The following SNAPC3 variants were observed in gnomAD, a reference collection of about 807,000 sequenced individuals.
SNAPC3 encodes the protein small nuclear RNA activating complex polypeptide 3.
In SNAPC3, 56 loss-of-function variants were observed where a neutral mutation model predicts 47.7. The observed-to-expected ratio is 1.18, with a 90% CI of 0.95 to 1.47. SNAPC3 has a LOEUF of 1.47. Among genes scored for constraint, SNAPC3 ranks in the 40% most tolerant of loss-of-function variants. SNAPC3 has a pLI of 0.00. For synonymous variants in SNAPC3, 235 were observed against 189.9 expected (o/e 1.24, Z -1.95); for missense variants, 665 against 511.3 (o/e 1.30, Z -2.90).
chr9:15,463,045 T>C (rs2035336098), downstream of SNAPC3: 1 of 152,140 alleles, frequency 6.6e-6, no homozygotes, highest in African/African-American at 2.4e-5. Context: ...AAATCTATCA[T>C]ATTATTTGAA....
At chr9:15,426,225 C>T (rs551670779) in intron 2 of SNAPC3, among the ~76,000 whole-genome samples, 1 of 152,232 alleles carries the variant, frequency 6.6e-6, no homozygotes, top group East Asian at 1.9e-4. Context: ...TTCAGTTCCT[C>T]GAATATGCTC....
At chr9:15,432,015 A>G (rs1222681011) in intron 2 of SNAPC3, 1 of 150,722 alleles carries the variant, frequency 6.6e-6, no homozygotes, top group Non-Finnish European at 1.5e-5. Context: ...GTATCTTGAT[A>G]TAATGTAAAG....
chr9:15,426,253 G>A (rs1270612560), intron 2 of SNAPC3, among the ~76,000 whole-genome samples: 2 of 152,100 alleles, frequency 1.3e-5, no homozygotes, highest in African/African-American at 4.8e-5. Flanking sequence ...CCAGGCCTTT[G>A]CCCAGAACAG....
chr9:15,461,822 C>T (rs546623163), downstream of SNAPC3: 4 of 152,328 alleles, frequency 2.6e-5, no homozygotes, highest in East Asian at 7.7e-4. Flanking sequence ...CTAGTGTTCT[C>T]ATTCACTGAT....
chr9:15,442,719 C>G (rs1442455859), intron 3 of SNAPC3, among the ~76,000 whole-genome samples: 6 of 151,798 alleles, frequency 4.0e-5, no homozygotes, highest in Admixed American at 2.6e-4. Flanking sequence ...TCCTCACATC[C>G]CAGACGATGG....
intron 8 of SNAPC3, 70 bp from the exon 9 acceptor site, chr9:15,459,649 C>A: frequency 8.5e-7 from 1 of 1,173,968 alleles, no homozygotes; most frequent in Non-Finnish European, 1.2e-6. Flanking sequence ...CATATTGCTA[C>A]AGGTCATAAA....
chr9:15,442,129 G>A (rs540538523), intron 3 of SNAPC3, among the ~76,000 whole-genome samples: 2 of 136,052 alleles, frequency 1.5e-5, no homozygotes, highest in Non-Finnish European at 3.2e-5. Flanking sequence ...ACCTCCCTCC[G>A]GGACGGGGCG....
In SNAPC3 at chr9:15,459,873, C is replaced by CT. The variant is rs745889720; in HGVS notation, c.*8dup. The stretch of plus-strand genomic sequence containing the variant: ...TCCTGGAACCTTTAATTAAGAATAG[C>CT]TACACTCACAAAAATACCCCCTCAT... On this transcript the variant is annotated 3_prime_UTR_variant, in exon 9 of 9. Coordinates refer to ENST00000380821, the MANE Select transcript of SNAPC3 (RefSeq NM_001039697.2). The CT allele has an allele frequency of 6.2e-7, 1 of 1,602,090 alleles. No homozygotes were observed. The highest frequency in any genetic ancestry group is 1.1e-5 in the South Asian group (1 of 89,274).
intron 3 of SNAPC3, among the ~76,000 whole-genome samples, chr9:15,437,306 C>T (rs1360538277): frequency 6.6e-6 from 1 of 151,748 alleles, no homozygotes; most frequent in Non-Finnish European, 1.5e-5. Flanking sequence ...AATCTTGGCT[C>T]ACTGCAACTT....
chr9:15,464,282 C>CA (rs1295415022), downstream of SNAPC3: 4 of 194,806 alleles, frequency 2.1e-5, no homozygotes, highest in African/African-American at 9.2e-5. Context: ...CTCAGAGGGT[C>CA]AACCACACAA....
intron 4 of SNAPC3, 121 bp from the exon 5 acceptor site, chr9:15,446,974 A>G: frequency 1.2e-6 from 1 of 848,534 alleles, no homozygotes; most frequent in Non-Finnish European, 1.9e-6. Context: ...CAGAGCATCA[A>G]GTTATGGGGA....
intron 3 of SNAPC3, among the ~76,000 whole-genome samples, chr9:15,442,894 T>G: frequency 6.6e-6 from 1 of 152,032 alleles, no homozygotes; most frequent in Non-Finnish European, 1.5e-5. Flanking sequence ...GAGCACTGAG[T>G]GAAGGAGACT....
At chr9:15,455,891 TG>T (rs933124900) in intron 7 of SNAPC3, among the ~76,000 whole-genome samples, 2 of 151,904 alleles carry the variant, frequency 1.3e-5, no homozygotes, top group Non-Finnish European at 2.9e-5. Flanking sequence ...TTTATTTTTT[TG>T]AGACCGAGTT....
intron 4 of SNAPC3, among the ~76,000 whole-genome samples, chr9:15,446,243 GC>G (rs775981677): frequency 2.0e-5 from 3 of 152,146 alleles, no homozygotes; most frequent in Non-Finnish European, 4.4e-5. Context: ...TTGAGACAGG[GC>G]CTTGCTCCAT....
Position 15,460,148 on chromosome 9 carries a change from G to A in SNAPC3, c.*282G>A. On this transcript the variant is annotated 3_prime_UTR_variant, in exon 9 of 9. Transcript: ENST00000380821. ...TATATATTCTGACTTTAAATCCTTT[G>A]TCAGACACACATATTCTTTCTCCCA... The A allele has an allele frequency of 4.7e-6, 1 of 213,710 alleles. No individual in the cohort carries two copies. The highest frequency in any genetic ancestry group is 9.1e-6 in the Non-Finnish European group (1 of 109,618). 13.2% of individuals were successfully genotyped at this position (213,710 alleles called of 1,614,324 possible).
At chr9:15,441,831 C>G (rs557775816) in intron 3 of SNAPC3, among the ~76,000 whole-genome samples, 4 of 152,118 alleles carry the variant, frequency 2.6e-5, no homozygotes, top group African/African-American at 9.7e-5. Flanking sequence ...ATTTCTCTAT[C>G]TTTTCCCCAC....
chr9:15,432,664 A>G (rs1173647882), intron 2 of SNAPC3, among the ~76,000 whole-genome samples: 2 of 152,254 alleles, frequency 1.3e-5, no homozygotes, highest in African/African-American at 2.4e-5. Context: ...AATTATCTGT[A>G]GGTTCATACT....
chr9:15,447,018 T>G lies in SNAPC3; in HGVS notation c.583-77T>G. The G allele has an allele frequency of 9.8e-6, 12 of 1,225,028 alleles. 1 individual carries two copies. In the South Asian group the frequency reaches 1.6e-4, roughly 16 times the overall value. 75.9% of individuals were successfully genotyped at this position (1,225,028 alleles called of 1,614,324 possible). A position where few individuals can be genotyped will look rare whatever the true frequency, so the allele number is the denominator to read the frequency against. ...AATTAAGAAAACCAGCAATTTAATT[T>G]TGATCTAGTCATGACAGGATTTGTA... On this transcript the variant is annotated intron_variant, in intron 4 of 8. Transcript: ENST00000380821.
At chr9:15,453,318 A>G in intron 7 of SNAPC3, 113 bp downstream of exon 7, 2 of 805,130 alleles carry the variant, frequency 2.5e-6, no homozygotes, top group Admixed American at 2.7e-5. Context: ...AACCATTGCA[A>G]CTTGGCTTGG....
Sources: allele counts gnomAD v4.1 joint callset (sites outside exome capture counted in the v4.1 genomes callset), GRCh38; gene constraint gnomAD v4.1.1; transcripts MANE v1.5; gene names NCBI Gene and HGNC (gene_info 2026-07-23, HGNC 2026-07-21).